Variants in OR4C11 observed in about 807,000 individuals in gnomAD.
OR4C11 encodes olfactory receptor 4C11.
OR4C11 carries 15 observed loss-of-function variants against 14.7 expected under a neutral mutation model. That is an observed-to-expected ratio of 1.02 (90% confidence interval 0.68 to 1.58). The LOEUF is 1.58. OR4C11 is among the 40% of genes most tolerant of loss of function. The pLI is 0.00. For synonymous variants in OR4C11, 146 were observed against 135.0 expected (o/e 1.08, Z -0.57); for missense variants, 473 against 383.0 (o/e 1.24, Z -1.96).
At position 55,604,167 on chromosome 11, in the gene OR4C11, A is replaced by G. The variant is rs1565064634; in HGVS notation, c.207T>C (p.Ser69=). 1.4e-6 allele frequency: 2 copies of G among 1,472,628 alleles called. 1 individual carries two copies. The highest frequency in any genetic ancestry group is 1.8e-6 in the Non-Finnish European group (2 of 1,083,960). The allele number at this position is 1,472,628 out of a possible 1,614,324, so 91.2% of individuals were successfully genotyped here. A position where few individuals can be genotyped will look rare whatever the true frequency, so the allele number is the denominator to read the frequency against. ...FFLFYLSFAD[S]CFSTSTAPRL... is the part of the protein sequence containing the mutation. ...TAGGGGCTGTGGAAGTTGAAAAGCA[A>G]GAATCTGCAAAGGACAAATAAAATA... Residue 69 remains serine, a synonymous_variant, in exon 4 of 4, where the codon TCT becomes TCC. Coordinates refer to ENST00000641580, the MANE Select transcript of OR4C11 (RefSeq NM_001004700.3).
intron 3 of OR4C11, 101 bp downstream of exon 3, chr11:55,605,025 A>C (rs1214734778): frequency 7.2e-6 from 1 of 138,546 alleles, no homozygotes; most frequent in African/African-American, 2.5e-5. Context: ...GAGACAATAA[A>C]CATAAAATTT....
At chr11:55,607,197 T>C (rs1252113529) in intron 1 of OR4C11, 90 bp downstream of exon 1, 1 of 138,738 alleles carries the variant, frequency 7.2e-6, no homozygotes, top group Non-Finnish European at 1.6e-5. Flanking sequence ...TTACTGCTCC[T>C]TGCAGAGCAG....
rs1320772066 is a variant in OR4C11, at chr11:55,607,473, A to T, written c.-551T>A. The T allele has an allele frequency of 7.2e-6, 1 of 138,700 alleles. No individual in the cohort carries two copies. Among genetic ancestry groups the T allele is most frequent in the Non-Finnish European group, 1.6e-5 (1 of 62,308 alleles). The allele number at this position is 138,700 out of a possible 1,614,324, so 8.6% of individuals were successfully genotyped here. On this transcript the variant is annotated 5_prime_UTR_variant, in exon 1 of 4. Coordinates refer to ENST00000641580, the MANE Select transcript of OR4C11 (RefSeq NM_001004700.3). Reference sequence around the variant, plus strand: ...CTTCTCTGAATGTTAGATACGACTAAGTTATTCTCCTATACAGACCTTACC... The same window carrying T: ...CTTCTCTGAATGTTAGATACGACTATGTTATTCTCCTATACAGACCTTACC...
In OR4C11 at chr11:55,603,883, AAT is replaced by A; in HGVS notation, c.489_490del (p.Arg163SerfsTer10). 6.7e-7 allele frequency: 1 copy of A among 1,490,752 alleles called. No homozygotes were observed. Among genetic ancestry groups the A allele is most frequent in the Non-Finnish European group, 9.1e-7 (1 of 1,095,934 alleles). 92.3% of individuals were successfully genotyped at this position (1,490,752 alleles called of 1,614,324 possible). A position where few individuals can be genotyped will look rare whatever the true frequency, so the allele number is the denominator to read the frequency against. ...AATCAAATAGGGTCCACAGAAAGGC[AAT>A]CTTAAGGCCAGGATAATCTGAGCTG... On this transcript the variant is annotated frameshift_variant, in exon 4 of 4. Transcript: ENST00000641580. LOFTEE classifies it high-confidence loss of function.
Position 55,603,421 on chromosome 11 carries a change from A to T in OR4C11, c.*20T>A. ...TAAATCATGATTTGACTGAAAAAGT[A>T]ATCAGGTCAGGCCCTCAATTTATCC... On this transcript the variant is annotated 3_prime_UTR_variant, in exon 4 of 4. Transcript: ENST00000641580. The T allele has an allele frequency of 8.5e-7, 1 of 1,176,578 alleles. No individual in the cohort carries two copies. Among genetic ancestry groups the T allele is most frequent in the Non-Finnish European group, 1.2e-6 (1 of 846,608 alleles). 72.9% of individuals were successfully genotyped at this position (1,176,578 alleles called of 1,614,324 possible).
intron 2 of OR4C11, among the ~76,000 whole-genome samples, chr11:55,605,767 C>T (rs1857952590): frequency 7.2e-6 from 1 of 138,346 alleles, no homozygotes; most frequent in Non-Finnish European, 1.6e-5. Context: ...AAAGATTATG[C>T]CTCTGGAAAG....
rs150059562 is a variant in OR4C11, at chr11:55,603,614, A to G, written c.760T>C (p.Phe254Leu). The change falls in exon 4 of 4, where the codon TTC becomes CTC. Residue 254 changes from phenylalanine (F) to leucine (L), a missense_variant. Physicochemically the swap from Phe to Leu is conservative, Grantham distance 22. Coordinates refer to ENST00000641580, the MANE Select transcript of OR4C11 (RefSeq NM_001004700.3). The part of the protein sequence containing the change: ...VVILFFGPCI[F>L]IYTRPPTTFP... ...GTGGTCGGGGGGCGTGTATATATGA[A>G]TATACATGGGCCAAAGAATAAGATG... 2.7e-6 allele frequency: 4 copies of G among 1,487,254 alleles called. 1 individual carries two copies. The highest frequency in any genetic ancestry group is 2.4e-5 in the South Asian group (2 of 84,732). 92.1% of individuals were successfully genotyped at this position (1,487,254 alleles called of 1,614,324 possible). A position where few individuals can be genotyped will look rare whatever the true frequency, so the allele number is the denominator to read the frequency against.
Position 55,604,040 on chromosome 11 carries a change from C to T in OR4C11, c.334G>A (p.Val112Ile). Residue 112 changes from valine (V) to isoleucine (I), a missense_variant, in exon 4 of 4, where the codon GTC (valine) becomes ATC (isoleucine). Transcript: ENST00000641580. ...CGATCAACAGCCATGAGAATGAGGACAAAGATCTCCATGCAGCCAAATAAA... is the reference window on the plus strand; with the variant it reads ...CGATCAACAGCCATGAGAATGAGGATAAAGATCTCCATGCAGCCAAATAAA... ...LHLFGCMEIF[V>I]LILMAVDRYV... 1 of 1,485,400 alleles carries T rather than the reference C, an allele frequency of 6.7e-7. No homozygotes were observed. Among genetic ancestry groups the T allele is most frequent in the Non-Finnish European group, 9.2e-7 (1 of 1,090,938 alleles). The allele number at this position is 1,485,400 out of a possible 1,614,324, so 92.0% of individuals were successfully genotyped here.
chr11:55,603,769 C>A lies in OR4C11; in HGVS notation c.605G>T (p.Gly202Val), dbSNP rs1412215608. The change falls in exon 4 of 4, where the codon GGG (glycine) becomes GTG (valine). Residue 202 changes from glycine (G) to valine (V), a missense_variant. Transcript: ENST00000641580. ...MINLLLVSNS[G>V]AICSSSFMIL... is the part of the protein sequence containing the mutation. The stretch of plus-strand genomic sequence containing the variant: ...CATGAAACTACTTGAGCAAATTGCC[C>A]CACTGTTAGACACCAACAGCAGGTT... 6.7e-7 allele frequency: 1 copy of A among 1,488,752 alleles called. No individual in the cohort carries two copies. The highest frequency in any genetic ancestry group is 2.0e-5 in the Admixed American group (1 of 49,762). 92.2% of individuals were successfully genotyped at this position (1,488,752 alleles called of 1,614,324 possible).
rs756527473 is a variant in OR4C11, at chr11:55,604,235, T to G, written c.139A>C (p.Ile47Leu). ...CTTCCTAGTGTCCGGCTGGACTTGATGGTCACAATAATGAGCATATTCCCC... is the reference window on the plus strand; with the variant it reads ...CTTCCTAGTGTCCGGCTGGACTTGAGGGTCACAATAATGAGCATATTCCCC... ...VVGNMLIIVT[I>L]KSSRTLGSPM... Residue 47 changes from isoleucine to leucine, a missense_variant, in exon 4 of 4, where the codon ATC becomes CTC. By Grantham distance (5) the Ile-to-Leu change is conservative. Coordinates refer to ENST00000641580, the MANE Select transcript of OR4C11 (RefSeq NM_001004700.3). 7 of 1,473,522 alleles carry G rather than the reference T, an allele frequency of 4.8e-6. 2 individuals carry two copies. In the Admixed American group the frequency reaches 1.2e-4, roughly 25 times the overall value. 91.3% of individuals were successfully genotyped at this position (1,473,522 alleles called of 1,614,324 possible). A position where few individuals can be genotyped will look rare whatever the true frequency, so the allele number is the denominator to read the frequency against.
In OR4C11 at chr11:55,602,446, G is replaced by T. The variant is rs144239212; in HGVS notation, c.*995C>A. The stretch of plus-strand genomic sequence containing the variant: ...CCATAATATGAATATCTAAAGTGCC[G>T]CTTTTTATCTGCTGTCCTCACTCTG... On this transcript the variant is annotated 3_prime_UTR_variant, in exon 4 of 4. Coordinates refer to ENST00000641580, the MANE Select transcript of OR4C11 (RefSeq NM_001004700.3). The T allele has an allele frequency of 7.3e-6, 1 of 137,854 alleles. No individual in the cohort carries two copies. 8.5% of individuals were successfully genotyped at this position (137,854 alleles called of 1,614,324 possible).
chr11:55,605,027 A>G (rs1857942404), intron 3 of OR4C11, 99 bp downstream of exon 3: 1 of 138,836 alleles, frequency 7.2e-6, no homozygotes. Context: ...GACAATAAAC[A>G]TAAAATTTTT....
In OR4C11 at chr11:55,603,544, G is replaced by A. The variant is rs762556822; in HGVS notation, c.830C>T (p.Thr277Ile). ...KMVAVFYTIG[T>I]PFLNPLIYTL... ...GTAGATGAGTGGATTGAGAAAGGGT[G>A]TTCCAATAGTATAAAATACTGCCAC... Residue 277 changes from threonine (T) to isoleucine (I), a missense_variant, in exon 4 of 4, where the codon ACA becomes ATA. Coordinates refer to ENST00000641580, the MANE Select transcript of OR4C11 (RefSeq NM_001004700.3). The A allele has an allele frequency of 9.5e-6, 14 of 1,468,776 alleles. 3 individuals are homozygous for A. In the Middle Eastern group the frequency reaches 5.7e-4, roughly 60 times the overall value. 91.0% of individuals were successfully genotyped at this position (1,468,776 alleles called of 1,614,324 possible).
chr11:55,603,983 G>T lies in OR4C11; in HGVS notation c.391C>A (p.Pro131Thr). 6.7e-7 allele frequency: 1 copy of T among 1,489,578 alleles called. No homozygotes were observed. The highest frequency in any genetic ancestry group is 9.1e-7 in the Non-Finnish European group (1 of 1,096,242). The allele number at this position is 1,489,578 out of a possible 1,614,324, so 92.3% of individuals were successfully genotyped here. The change falls in exon 4 of 4, where the codon CCA becomes ACA. Residue 131 changes from proline to threonine, a missense_variant. Pro to Thr is a conservative substitution (Grantham distance 38). Transcript: ENST00000641580. The part of the protein sequence containing the change: ...YVAICKPLRY[P>T]TIMSQQVCII... ...CAGACCTGCTGGCTCATGATGGTTG[G>T]GTAACGCAAGGGCTTACAGATGGCC...
Position 55,603,445 on chromosome 11 carries a change from C to G in OR4C11, c.929G>C (p.Gly310Ala), listed in dbSNP as rs1857910045. Reference sequence around the variant, plus strand: ...TAATCAGGTCAGGCCCTCAATTTATCCTTTGTTTTCTGAAATAATTTTGCC... The same window carrying G: ...TAATCAGGTCAGGCCCTCAATTTATGCTTTGTTTTCTGAAATAATTTTGCC... ...WHGKIISENK[G>A] Residue 310 changes from glycine (G) to alanine (A), a missense_variant, in exon 4 of 4, where the codon GGA (glycine) becomes GCA (alanine). Gly to Ala is a moderately conservative substitution (Grantham distance 60). Transcript: ENST00000641580. The G allele has an allele frequency of 7.2e-6, 10 of 1,384,136 alleles. 2 individuals are homozygous for G. Among genetic ancestry groups the G allele is most frequent in the Non-Finnish European group, 9.8e-6 (10 of 1,016,750 alleles). 85.7% of individuals were successfully genotyped at this position (1,384,136 alleles called of 1,614,324 possible).
At chr11:55,605,495 G>C (rs1338474207) in intron 2 of OR4C11, among the ~76,000 whole-genome samples, 3 of 137,590 alleles carry the variant, frequency 2.2e-5, no homozygotes, top group South Asian at 2.3e-4. Flanking sequence ...AATATATAAT[G>C]GGAATTAATA....
Position 55,605,189 on chromosome 11 carries a change from C to T in OR4C11, c.-108G>A, listed in dbSNP as rs1357795772. ...TCCTTTATTATTCAACTTTGTACTG[C>T]TTTGTTATACTGTGTTGTCCAAAGT... On this transcript the variant is annotated 5_prime_UTR_variant, in exon 3 of 4. Transcript: ENST00000641580. 2.2e-5 allele frequency: 3 copies of T among 138,506 alleles called. 1 individual carries two copies. Among genetic ancestry groups the T allele is most frequent in the Non-Finnish European group, 4.8e-5 (3 of 62,206 alleles). 8.6% of individuals were successfully genotyped at this position (138,506 alleles called of 1,614,324 possible). A position where few individuals can be genotyped will look rare whatever the true frequency, so the allele number is the denominator to read the frequency against.
At position 55,603,538 on chromosome 11, in the gene OR4C11, A is replaced by T; in HGVS notation, c.836T>A (p.Phe279Tyr). ...CAGTGTGTAGATGAGTGGATTGAGA[A>T]AGGGTGTTCCAATAGTATAAAATAC... is the stretch of plus-strand genomic sequence containing the variant. ...VAVFYTIGTP[F>Y]LNPLIYTLRN... The change falls in exon 4 of 4, where the codon TTT becomes TAT. Residue 279 changes from phenylalanine (F) to tyrosine (Y), a missense_variant. By Grantham distance (22) the Phe-to-Tyr change is conservative (BLOSUM62 3). Coordinates refer to ENST00000641580, the MANE Select transcript of OR4C11 (RefSeq NM_001004700.3). The T allele has an allele frequency of 6.8e-7, 1 of 1,473,574 alleles. No individual in the cohort carries two copies. Among genetic ancestry groups the T allele is most frequent in the Non-Finnish European group, 9.2e-7 (1 of 1,082,850 alleles). The allele number at this position is 1,473,574 out of a possible 1,614,324, so 91.3% of individuals were successfully genotyped here. A position where few individuals can be genotyped will look rare whatever the true frequency, so the allele number is the denominator to read the frequency against.
chr11:55,603,874 C>T lies in OR4C11; in HGVS notation c.500G>A (p.Cys167Tyr), dbSNP rs1565064402. Residue 167 changes from cysteine to tyrosine, a missense_variant, in exon 4 of 4, where the codon TGT (cysteine) becomes TAT (tyrosine). By Grantham distance (194) the Cys-to-Tyr change is radical (BLOSUM62 -2). Coordinates refer to ENST00000641580, the MANE Select transcript of OR4C11 (RefSeq NM_001004700.3). ...ATAATGATCAATCAAATAGGGTCCA[C>T]AGAAAGGCAATCTTAAGGCCAGGAT... is the stretch of plus-strand genomic sequence containing the variant. ...QIILALRLPF[C>Y]GPYLIDHYCC... The T allele has an allele frequency of 1.3e-6, 2 of 1,491,724 alleles. 1 individual carries two copies. The allele number at this position is 1,491,724 out of a possible 1,614,324, so 92.4% of individuals were successfully genotyped here.
Sources: allele counts gnomAD v4.1 joint callset (sites outside exome capture counted in the v4.1 genomes callset), GRCh38; gene constraint gnomAD v4.1.1; transcripts MANE v1.5; gene names NCBI Gene and HGNC (gene_info 2026-07-23, HGNC 2026-07-21).